The following PKNOX2 variants were observed in gnomAD, a reference collection of about 807,000 sequenced individuals.
The protein encoded by PKNOX2 is PBX/knotted 1 homeobox 2, also known as homeobox protein PKNOX2.
Under a neutral mutation model 53.1 loss-of-function variants are expected in PKNOX2, and 14 were observed. The ratio of observed to expected loss-of-function variants is 0.26; its 90% confidence interval spans 0.17 to 0.41. PKNOX2 has a LOEUF of 0.41. PKNOX2 is among the 10% of genes least tolerant of loss of function. The pLI, the probability that PKNOX2 is intolerant of heterozygous loss-of-function variation, is 1.00. For synonymous variants in PKNOX2, 257 were observed against 242.8 expected (o/e 1.06, Z -0.54); for missense variants, 496 against 602.8 (o/e 0.82, Z 1.85).
rs144841047 is a variant in PKNOX2, at chr11:125,288,390, T to G, written c.-129-43429T>G. Among the ~76,000 whole-genome samples, 274 of 152,342 alleles carry G rather than the reference T, an allele frequency of 1.8e-3. 3 individuals are homozygous for G. The highest frequency in any genetic ancestry group is 5.5e-3 in the African/African-American group (229 of 41,572). On this transcript the variant is annotated intron_variant, in intron 2 of 12. Coordinates refer to ENST00000298282, the MANE Select transcript of PKNOX2 (RefSeq NM_001382323.2). ...AAGCCTCCCAGATGTTCTGATGTGC[T>G]GCCCAGGTTGAGAACCACTGAACTC...
chr11:125,274,818 C>G (rs1946048208), intron 2 of PKNOX2, among the ~76,000 whole-genome samples: 1 of 152,188 alleles, frequency 6.6e-6, no homozygotes, highest in Admixed American at 6.5e-5. Flanking sequence ...AAAGTCAGAT[C>G]AGGGGCGGTA....
intron 6 of PKNOX2, among the ~76,000 whole-genome samples, chr11:125,394,412 C>T (rs1316939049): frequency 2.0e-5 from 3 of 152,222 alleles, no homozygotes; most frequent in Non-Finnish European, 4.4e-5. Context: ...TGCATGACGA[C>T]ACACAATCGC....
chr11:125,310,522 A>G (rs1948740012), intron 2 of PKNOX2, among the ~76,000 whole-genome samples: 1 of 151,692 alleles, frequency 6.6e-6, no homozygotes, highest in Non-Finnish European at 1.5e-5. Context: ...AAATAATAAT[A>G]TATAAATAAA....
At chr11:125,403,077 C>T (rs1045814056) in intron 7 of PKNOX2, among the ~76,000 whole-genome samples, 6 of 152,002 alleles carry the variant, frequency 3.9e-5, no homozygotes, top group African/African-American at 1.5e-4. Context: ...TGAAAGAAGG[C>T]GAGAAACAGA....
intron 1 of PKNOX2, among the ~76,000 whole-genome samples, chr11:125,175,694 C>A (rs1009057888): frequency 6.6e-5 from 10 of 152,290 alleles, no homozygotes; most frequent in African/African-American, 2.2e-4. Context: ...GTAGAACAAG[C>A]AACAGGTATG....
intron 5 of PKNOX2, among the ~76,000 whole-genome samples, chr11:125,379,098 T>C (rs771768575): frequency 1.3e-5 from 2 of 149,786 alleles, no homozygotes; most frequent in Non-Finnish European, 3.0e-5. Context: ...TCTCAATCTG[T>C]CGCCCAGGCT....
At chr11:125,194,414 G>T (rs927948855) in intron 1 of PKNOX2, among the ~76,000 whole-genome samples, 6 of 152,192 alleles carry the variant, frequency 3.9e-5, no homozygotes, top group Non-Finnish European at 8.8e-5. Flanking sequence ...ATATTGAGCA[G>T]GTGCTGGGGG....
intron 6 of PKNOX2, among the ~76,000 whole-genome samples, chr11:125,387,978 T>C (rs1953764013): frequency 6.6e-6 from 1 of 152,082 alleles, no homozygotes. Context: ...ATTAATGAGA[T>C]GGCACTGGGA....
chr11:125,171,913 G>T (rs138127829), intron 1 of PKNOX2, among the ~76,000 whole-genome samples: 1 of 152,172 alleles, frequency 6.6e-6, no homozygotes, highest in Non-Finnish European at 1.5e-5. Context: ...GAGAGATGAT[G>T]GACAGAGAGG....
intron 2 of PKNOX2, among the ~76,000 whole-genome samples, chr11:125,316,079 G>C (rs1949166357): frequency 1.3e-5 from 2 of 152,200 alleles, no homozygotes; most frequent in Non-Finnish European, 2.9e-5. Flanking sequence ...CGGACCCAGG[G>C]AGTGCAAAAG....
Position 125,169,980 on chromosome 11 carries a change from C to G in PKNOX2, c.-201+5204C>G, listed in dbSNP as rs117527814. Among the ~76,000 whole-genome samples, 139 of 152,348 alleles carry G rather than the reference C, an allele frequency of 9.1e-4. No individual in the cohort carries two copies. In the East Asian group the frequency reaches 0.019, roughly 21 times the overall value. Reference sequence around the variant, plus strand: ...CCTGGAATAGCTGTCCTGTATCAGACGAATGCAGAATCTGACTTATCAGAA... The same window carrying G: ...CCTGGAATAGCTGTCCTGTATCAGAGGAATGCAGAATCTGACTTATCAGAA... On this transcript the variant is annotated intron_variant, in intron 1 of 12. Transcript: ENST00000298282.
At chr11:125,349,145 CAA>C (rs1323311051) in intron 3 of PKNOX2, among the ~76,000 whole-genome samples, 2 of 152,046 alleles carry the variant, frequency 1.3e-5, no homozygotes, top group Non-Finnish European at 2.9e-5. Flanking sequence ...TGTCAGGGTC[CAA>C]AAAAGAGAAA....
At chr11:125,363,901 T>A (rs181844110) in intron 4 of PKNOX2, among the ~76,000 whole-genome samples, 1 of 152,220 alleles carries the variant, frequency 6.6e-6, no homozygotes, top group Admixed American at 6.5e-5. Flanking sequence ...ATTTGCCAAT[T>A]TCCATGGTGT....
At chr11:125,242,656 G>A (rs1003885077) in intron 2 of PKNOX2, among the ~76,000 whole-genome samples, 6 of 152,024 alleles carry the variant, frequency 3.9e-5, no homozygotes, top group Non-Finnish European at 7.4e-5. Context: ...GCAATGCGGG[G>A]CAGGGATGGG....
intron 2 of PKNOX2, among the ~76,000 whole-genome samples, chr11:125,300,590 A>G (rs1947985225): frequency 6.6e-6 from 1 of 152,196 alleles, no homozygotes; most frequent in Non-Finnish European, 1.5e-5. Context: ...AGACAGAGAG[A>G]CAGAGAGAGA....
chr11:125,335,432 G>A (rs1002678074), intron 3 of PKNOX2, among the ~76,000 whole-genome samples: 8 of 152,158 alleles, frequency 5.3e-5, no homozygotes, highest in Admixed American at 3.9e-4. Flanking sequence ...GAGGGAGGAG[G>A]ACTAGAGGCT....
chr11:125,365,363 A>AT (rs796505978), intron 4 of PKNOX2, among the ~76,000 whole-genome samples: 1,799 of 148,630 alleles, frequency 0.012, 18 homozygotes, highest in African/African-American at 0.028. Context: ...TTTAGGTTGG[A>AT]TTTTTTTTTT....
intron 2 of PKNOX2, among the ~76,000 whole-genome samples, chr11:125,262,736 C>T (rs1418543788): frequency 1.3e-5 from 2 of 152,008 alleles, no homozygotes; most frequent in Non-Finnish European, 2.9e-5. Flanking sequence ...TGATCTTGTC[C>T]TTTCTTTCCA....
intron 6 of PKNOX2, among the ~76,000 whole-genome samples, chr11:125,393,627 C>T (rs1954214669): frequency 6.6e-6 from 1 of 152,146 alleles, no homozygotes; most frequent in African/African-American, 2.4e-5. Context: ...AGGGACCTGA[C>T]AGTCCAGCCC....
Sources: gnomAD v4.1 joint callset for allele counts (sites outside exome capture counted in the v4.1 genomes callset) on GRCh38, gnomAD v4.1.1 for gene constraint, MANE v1.5 for transcripts, NCBI Gene and HGNC (gene_info 2026-07-23, HGNC 2026-07-21) for gene names.